Variants in NRG3 observed in about 807,000 individuals in gnomAD.
The protein encoded by NRG3 is pro-neuregulin-3, membrane-bound isoform.
A neutral mutation model predicts 66.9 loss-of-function variants in NRG3; 31 were observed. The ratio of observed to expected loss-of-function variants is 0.46; its 90% CI spans 0.35 to 0.63. NRG3 has a LOEUF of 0.63. Among genes scored for constraint, NRG3 ranks in the 20% least tolerant of loss-of-function variants. NRG3 has a pLI of 0.00. For missense variants in NRG3, 910 were observed against 878.9 expected, an observed-to-expected ratio of 1.04 and a Z score of -0.45; for synonymous variants, 393 against 359.4, an observed-to-expected ratio of 1.09 and a Z score of -1.06.
intron 1 of NRG3, among the ~76,000 whole-genome samples, chr10:82,024,075 T>C (rs1394469084): frequency 6.6e-6 from 1 of 152,078 alleles, no homozygotes; most frequent in East Asian, 1.9e-4. Flanking sequence ...TTGTTCAATC[T>C]TGGTAGGTTG....
At chr10:82,307,399 A>ATC (rs2080801030) in intron 1 of NRG3, among the ~76,000 whole-genome samples, 1 of 152,204 alleles carries the variant, frequency 6.6e-6, no homozygotes, top group Non-Finnish European at 1.5e-5. Flanking sequence ...TAAGAGACAG[A>ATC]ATTTGACATG....
At chr10:81,954,589 T>G (rs1354662524) in intron 1 of NRG3, among the ~76,000 whole-genome samples, 1 of 152,258 alleles carries the variant, frequency 6.6e-6, no homozygotes, top group South Asian at 2.1e-4. Context: ...CAGCTATGTC[T>G]TAGGGAATCA....
intron 3 of NRG3, among the ~76,000 whole-genome samples, chr10:82,841,654 T>C (rs2063061856): frequency 1.3e-5 from 2 of 152,140 alleles, no homozygotes; most frequent in South Asian, 2.1e-4. Context: ...AATTGTAGGA[T>C]GAGGCCCTCA....
intron 4 of NRG3, among the ~76,000 whole-genome samples, chr10:82,892,416 C>T (rs550991547): frequency 1.3e-5 from 2 of 152,272 alleles, no homozygotes; most frequent in South Asian, 4.1e-4. Flanking sequence ...GTAATCCCAA[C>T]ACTTTGGGAG....
chr10:82,681,067 G>A (rs1300662585), intron 2 of NRG3, among the ~76,000 whole-genome samples: 1 of 152,188 alleles, frequency 6.6e-6, no homozygotes, highest in Non-Finnish European at 1.5e-5. Flanking sequence ...TCAAAGAAGA[G>A]TATAATATTA....
intron 1 of NRG3, among the ~76,000 whole-genome samples, chr10:82,197,479 G>A (rs1012743345): frequency 1.3e-5 from 2 of 152,114 alleles, no homozygotes; most frequent in Non-Finnish European, 1.5e-5. Flanking sequence ...AGTAATATAT[G>A]CAAAGTGATG....
chr10:82,947,582 T>C (rs762315342), intron 4 of NRG3, among the ~76,000 whole-genome samples: 3 of 152,140 alleles, frequency 2.0e-5, no homozygotes, highest in Non-Finnish European at 4.4e-5. Flanking sequence ...GTTCACATCC[T>C]TTTCACATTT....
chr10:82,903,373 A>G (rs1844422796), intron 4 of NRG3, among the ~76,000 whole-genome samples: 1 of 151,990 alleles, frequency 6.6e-6, no homozygotes, highest in South Asian at 2.1e-4. Context: ...GTTCTTATAT[A>G]TTTTTCATTG....
At chr10:82,020,284 T>A (rs542023742) in intron 1 of NRG3, among the ~76,000 whole-genome samples, 13 of 152,146 alleles carry the variant, frequency 8.5e-5, no homozygotes, top group African/African-American at 3.1e-4. Flanking sequence ...TTTTGTAATT[T>A]TCACTTCTCC....
intron 2 of NRG3, among the ~76,000 whole-genome samples, chr10:82,536,912 G>A (rs1448011165): frequency 1.3e-5 from 2 of 151,366 alleles, no homozygotes; most frequent in South Asian, 4.2e-4. Context: ...TGCACTAAAT[G>A]AAGAATGAGG....
chr10:82,751,231 A>G lies in NRG3; in HGVS notation c.1027+12581A>G, dbSNP rs80266727. On this transcript the variant is annotated intron_variant, in intron 3 of 8. Transcript: ENST00000372141. ...TCTCCATTTTCTTGGGAATCTTGAA[A>G]AGTCAATCCCTTAGGGAAGTTTTGT... Among the ~76,000 whole-genome samples the G allele has an allele frequency of 4.8e-3, 725 of 152,244 alleles. 4 individuals carry two copies. The highest frequency in any genetic ancestry group is 0.016 in the African/African-American group (670 of 41,556).
chr10:82,779,956 G>A (rs1464892815), intron 3 of NRG3, among the ~76,000 whole-genome samples: 2 of 149,318 alleles, frequency 1.3e-5, no homozygotes, highest in Non-Finnish European at 3.0e-5. Flanking sequence ...CCACTTATGA[G>A]TGAGAACATG....
chr10:82,980,391 G>A (rs1217839650), intron 8 of NRG3, among the ~76,000 whole-genome samples: 1 of 152,244 alleles, frequency 6.6e-6, no homozygotes, highest in Non-Finnish European at 1.5e-5. Context: ...CAAGTGCAAT[G>A]CAATCAGGGT....
At chr10:82,491,485 G>A (rs902866484) in intron 2 of NRG3, among the ~76,000 whole-genome samples, 1 of 150,982 alleles carries the variant, frequency 6.6e-6, no homozygotes, top group African/African-American at 2.4e-5. Flanking sequence ...AGACATAATA[G>A]GTCCTCAAAA....
chr10:82,889,680 GA>G (rs1842987025), intron 4 of NRG3, among the ~76,000 whole-genome samples: 1 of 152,144 alleles, frequency 6.6e-6, no homozygotes, highest in Non-Finnish European at 1.5e-5. Flanking sequence ...AAGAAACAAA[GA>G]AACAGAAAAA....
intron 2 of NRG3, among the ~76,000 whole-genome samples, chr10:82,564,614 G>T (rs547727213): frequency 8.5e-5 from 13 of 152,198 alleles, no homozygotes; most frequent in Non-Finnish European, 1.6e-4. Flanking sequence ...TAGAGAAAGA[G>T]AAATTCTTAG....
intron 2 of NRG3, among the ~76,000 whole-genome samples, chr10:82,478,760 A>G (rs1482627899): frequency 1.3e-5 from 2 of 152,234 alleles, no homozygotes; most frequent in South Asian, 2.1e-4. Context: ...GACTTATCCT[A>G]TTATATCCTT....
chr10:82,762,878 G>A (rs1444607758), intron 3 of NRG3, among the ~76,000 whole-genome samples: 4 of 152,322 alleles, frequency 2.6e-5, no homozygotes, highest in Non-Finnish European at 4.4e-5. Flanking sequence ...AGTCAGGGCC[G>A]TTAAGAGGTG....
chr10:81,902,903 A>G (rs1018877798), intron 1 of NRG3, among the ~76,000 whole-genome samples: 16 of 152,196 alleles, frequency 1.1e-4, no homozygotes, highest in Non-Finnish European at 1.8e-4. Flanking sequence ...ACTACACTGT[A>G]TTGAGCATTT....
Sources: gnomAD v4.1 joint callset for allele counts (sites outside exome capture counted in the v4.1 genomes callset) on GRCh38, gnomAD v4.1.1 for gene constraint, MANE v1.5 for transcripts, NCBI Gene and HGNC (gene_info 2026-07-23, HGNC 2026-07-21) for gene names.